The following IGSF10 variants were observed in gnomAD, a reference collection of about 807,000 sequenced individuals.
The protein encoded by IGSF10 is calvaria mechanical force protein 608.
IGSF10 carries 126 observed loss-of-function variants against 128.2 expected under a neutral mutation model. That is an observed-to-expected ratio of 0.98 (90% CI 0.85 to 1.14). IGSF10 has a LOEUF of 1.14. IGSF10 is among the 50% of genes most tolerant of loss of function. The pLI, the probability that IGSF10 is intolerant of heterozygous loss-of-function variation, is 0.00. For synonymous variants in IGSF10, 1,185 were observed against 1,146.2 expected (o/e 1.03, Z -0.68); for missense variants, 3,295 against 3,149.8 (o/e 1.05, Z -1.10).
At chr3:151,504,035 G>A in the IGSF10 span, among the ~76,000 whole-genome samples, 1 of 152,100 alleles carries the variant, frequency 6.6e-6, no homozygotes, top group Non-Finnish European at 1.5e-5. Context: ...TTGGGATGTA[G>A]TGGCCTCTGG....
At chr3:151,485,618 C>T in the IGSF10 span, among the ~76,000 whole-genome samples, 3 of 152,166 alleles carry the variant, frequency 2.0e-5, no homozygotes, top group African/African-American at 4.8e-5. Flanking sequence ...AGAAACCCTA[C>T]AAGCCAGAAG....
At position 151,448,874 on chromosome 3, in the gene IGSF10, A is replaced by T; in HGVS notation, c.1107T>A (p.Gly369=). The T allele has an allele frequency of 6.2e-7, 1 of 1,614,240 alleles. No individual in the cohort carries two copies. The highest frequency in any genetic ancestry group is 2.2e-5 in the East Asian group (1 of 44,892). Residue 369 remains glycine, a synonymous_variant, in exon 6 of 8, where the codon GGT becomes GGA. Coordinates refer to ENST00000282466, the MANE Select transcript of IGSF10 (RefSeq NM_178822.5). ...STFLVCNIDY[G]HIQPVWQILA... Reference sequence around the variant, plus strand: ...AAATTTGCCACACTGGCTGAATGTGACCGTAATCTATGTTGCACACCAAAA... The same window carrying T: ...AAATTTGCCACACTGGCTGAATGTGTCCGTAATCTATGTTGCACACCAAAA...
chr3:151,438,024 G>A lies in IGSF10; in HGVS notation c.6537C>T (p.Ser2179=). The A allele has an allele frequency of 6.2e-7, 1 of 1,614,174 alleles. No individual in the cohort carries two copies. Among genetic ancestry groups the A allele is most frequent in the Non-Finnish European group, 8.5e-7 (1 of 1,180,034 alleles). The stretch of plus-strand genomic sequence containing the variant: ...CAATGGAGAAGGAAATCATGTCATT[G>A]GAAGGCAGCAACCAAAATATTTTTG... ...PKPKIFWLLP[S]NDMISFSIDR... The change falls in exon 8 of 8, where the codon TCC becomes TCT. Residue 2179 remains serine, a synonymous_variant. Transcript: ENST00000282466.
the IGSF10 span, among the ~76,000 whole-genome samples, chr3:151,497,703 A>G: frequency 1.3e-5 from 2 of 151,982 alleles, no homozygotes; most frequent in Admixed American, 1.3e-4. Context: ...TTTTTTTCCA[A>G]TTTTTTGAAG....
the IGSF10 span, among the ~76,000 whole-genome samples, chr3:151,470,964 T>C: frequency 6.6e-6 from 1 of 152,210 alleles, no homozygotes; most frequent in Non-Finnish European, 1.5e-5. Flanking sequence ...GATACTGTTA[T>C]CTCTGCCCAA....
the IGSF10 span, among the ~76,000 whole-genome samples, chr3:151,550,260 A>T: frequency 9.2e-5 from 14 of 152,182 alleles, no homozygotes; most frequent in Admixed American, 9.2e-4. Flanking sequence ...CGGAGTAGTG[A>T]GTTTGACATT....
chr3:151,562,075 C>T, the IGSF10 span, among the ~76,000 whole-genome samples: 4 of 152,098 alleles, frequency 2.6e-5, no homozygotes, highest in Non-Finnish European at 5.9e-5. Context: ...GAGGATAAGG[C>T]ATTCTTAGTC....
chr3:151,458,110 C>CATATAT (rs143716078), intron 3 of IGSF10, among the ~76,000 whole-genome samples: 88 of 150,010 alleles, frequency 5.9e-4, no homozygotes, highest in African/African-American at 2.0e-3. Flanking sequence ...AAAAAGGATA[C>CATATAT]ATATATATAT....
chr3:151,569,980 G>A, the IGSF10 span, among the ~76,000 whole-genome samples: 3 of 151,370 alleles, frequency 2.0e-5, no homozygotes, highest in Non-Finnish European at 2.9e-5. Context: ...GAGAACATGT[G>A]GTGTTTGGTT....
At chr3:151,479,466 T>C in the IGSF10 span, among the ~76,000 whole-genome samples, 2 of 152,222 alleles carry the variant, frequency 1.3e-5, no homozygotes, top group African/African-American at 4.8e-5. Flanking sequence ...TAATATTTCT[T>C]TGATGGACAA....
downstream of IGSF10, chr3:151,432,738 A>C (rs1321307059): frequency 6.2e-7 from 1 of 1,610,138 alleles, no homozygotes; most frequent in South Asian, 1.1e-5. Context: ...GGTTCAATTT[A>C]TTTTTCTCCT....
At chr3:151,501,075 C>T in the IGSF10 span, among the ~76,000 whole-genome samples, 1 of 152,000 alleles carries the variant, frequency 6.6e-6, no homozygotes, top group Non-Finnish European at 1.5e-5. Context: ...ATACAATCTA[C>T]CACAGTGGTA....
the IGSF10 span, among the ~76,000 whole-genome samples, chr3:151,567,005 G>A: frequency 6.6e-6 from 1 of 152,212 alleles, no homozygotes; most frequent in African/African-American, 2.4e-5. Flanking sequence ...CCAGGTGGCT[G>A]TCAATCTGTT....
At chr3:151,489,567 C>T in the IGSF10 span, among the ~76,000 whole-genome samples, 1 of 152,044 alleles carries the variant, frequency 6.6e-6, no homozygotes, top group African/African-American at 2.4e-5. Flanking sequence ...GACTTAGAAC[C>T]AACCAAAATG....
At chr3:151,440,579 G>A (rs1400083589) in intron 7 of IGSF10, 1 of 456,606 alleles carries the variant, frequency 2.2e-6, no homozygotes, top group African/African-American at 2.0e-5. Flanking sequence ...ACTTGCCTTA[G>A]GTCACAGGGC....
chr3:151,549,911 G>A, the IGSF10 span, among the ~76,000 whole-genome samples: 3 of 152,028 alleles, frequency 2.0e-5, no homozygotes, highest in South Asian at 4.2e-4. Context: ...TCATTTCTGA[G>A]TGGCATATTG....
chr3:151,596,220 A>T, the IGSF10 span, among the ~76,000 whole-genome samples: 29 of 152,240 alleles, frequency 1.9e-4, no homozygotes, highest in African/African-American at 6.8e-4. Flanking sequence ...AACATAAAGC[A>T]ATAGACAAAA....
the IGSF10 span, among the ~76,000 whole-genome samples, chr3:151,469,619 C>T: frequency 1.3e-5 from 2 of 152,242 alleles, no homozygotes; most frequent in East Asian, 3.9e-4. Context: ...CTCAAAAATA[C>T]TTGAATGTTT....
chr3:151,560,926 G>A, the IGSF10 span, among the ~76,000 whole-genome samples: 2 of 152,134 alleles, frequency 1.3e-5, no homozygotes, highest in South Asian at 4.1e-4. Flanking sequence ...GATAGCCTCT[G>A]AGTCTTCGTT....
Sources: gnomAD v4.1 joint callset for allele counts (sites outside exome capture counted in the v4.1 genomes callset) on GRCh38, gnomAD v4.1.1 for gene constraint, MANE v1.5 for transcripts, NCBI Gene and HGNC (gene_info 2026-07-23, HGNC 2026-07-21) for gene names.